The following SLC24A2 variants were observed in gnomAD, a reference collection of about 807,000 sequenced individuals.
The protein encoded by SLC24A2 is solute carrier family 24 member 2.
Under a neutral mutation model 62.0 loss-of-function variants are expected in SLC24A2, and 36 were observed. The observed-to-expected ratio is 0.58, with a 90% CI of 0.44 to 0.77. SLC24A2 has a LOEUF of 0.77. Among genes scored for constraint, SLC24A2 ranks in the 30% least tolerant of loss-of-function variants. The pLI is 0.00. For missense variants in SLC24A2, 846 were observed against 817.9 expected (o/e 1.03, Z -0.42); for synonymous variants, 358 against 294.0 (o/e 1.22, Z -2.23).
intron 2 of SLC24A2, among the ~76,000 whole-genome samples, chr9:19,770,032 C>T (rs1278027965): frequency 6.6e-6 from 1 of 150,956 alleles, no homozygotes; most frequent in Non-Finnish European, 1.5e-5. Flanking sequence ...TTTCCAGGCT[C>T]ATAAAGAAAT....
the SLC24A2 span, among the ~76,000 whole-genome samples, chr9:19,979,302 A>C: frequency 6.6e-6 from 1 of 152,140 alleles, no homozygotes; most frequent in Non-Finnish European, 1.5e-5. Context: ...CATTTCCACT[A>C]ATTTCCAGGT....
the SLC24A2 span, among the ~76,000 whole-genome samples, chr9:19,867,073 T>C: frequency 6.6e-6 from 1 of 152,186 alleles, no homozygotes; most frequent in Non-Finnish European, 1.5e-5. Context: ...ATAATTGGAT[T>C]GTTTGTAATA....
the SLC24A2 span, among the ~76,000 whole-genome samples, chr9:19,827,025 A>G: frequency 1.3e-5 from 2 of 152,106 alleles, no homozygotes; most frequent in Admixed American, 6.5e-5. Flanking sequence ...GTTCTTTGCC[A>G]GGTAGGACAG....
chr9:19,557,101 G>A (rs1478462692), intron 7 of SLC24A2, among the ~76,000 whole-genome samples: 1 of 152,164 alleles, frequency 6.6e-6, no homozygotes, highest in Non-Finnish European at 1.5e-5. Context: ...AAGTGACAGT[G>A]CTAGGCCAAC....
the SLC24A2 span, among the ~76,000 whole-genome samples, chr9:19,848,273 G>A: frequency 6.6e-6 from 1 of 152,166 alleles, no homozygotes; most frequent in East Asian, 1.9e-4. Flanking sequence ...CACTGATAGA[G>A]GAAGAGGTTT....
chr9:20,196,092 T>A, the SLC24A2 span, among the ~76,000 whole-genome samples: 1 of 152,194 alleles, frequency 6.6e-6, no homozygotes, highest in Non-Finnish European at 1.5e-5. Flanking sequence ...GACCAAACTC[T>A]ATACTTATGA....
chr9:19,654,558 T>C (rs2118188804), intron 2 of SLC24A2, among the ~76,000 whole-genome samples: 1 of 152,334 alleles, frequency 6.6e-6, no homozygotes, highest in Middle Eastern at 3.4e-3. Flanking sequence ...AATTTCATTC[T>C]AGGTAAAGGA....
At chr9:19,715,720 C>G (rs758747069) in intron 2 of SLC24A2, among the ~76,000 whole-genome samples, 6 of 152,188 alleles carry the variant, frequency 3.9e-5, no homozygotes, top group Non-Finnish European at 8.8e-5. Flanking sequence ...TAAATGCATT[C>G]TCTTGAAGAA....
the SLC24A2 span, among the ~76,000 whole-genome samples, chr9:20,287,375 T>G: frequency 6.6e-6 from 1 of 152,100 alleles, no homozygotes; most frequent in African/African-American, 2.4e-5. Flanking sequence ...AGCAGCCCAA[T>G]GGCCAGAGGT....
the SLC24A2 span, among the ~76,000 whole-genome samples, chr9:20,111,100 T>C: frequency 1.3e-5 from 2 of 152,208 alleles, no homozygotes; most frequent in African/African-American, 4.8e-5. Flanking sequence ...CTTTCCCTTT[T>C]CCATCTTGCT....
the SLC24A2 span, among the ~76,000 whole-genome samples, chr9:20,075,407 G>T: frequency 6.6e-6 from 1 of 152,298 alleles, no homozygotes; most frequent in South Asian, 2.1e-4. Context: ...GTTCAAATGT[G>T]AATCTGTGTC....
intron 4 of SLC24A2, among the ~76,000 whole-genome samples, chr9:19,607,098 A>G (rs1484305364): frequency 6.6e-6 from 1 of 152,240 alleles, no homozygotes; most frequent in Non-Finnish European, 1.5e-5. Flanking sequence ...TCTTTAGTGT[A>G]AATGCCTTTC....
the SLC24A2 span, among the ~76,000 whole-genome samples, chr9:20,253,211 C>T: frequency 6.6e-6 from 1 of 152,150 alleles, no homozygotes; most frequent in African/African-American, 2.4e-5. Flanking sequence ...GAGCACTGAC[C>T]TGGGAGAAGA....
At chr9:19,625,412 T>C (rs1269593073) in intron 2 of SLC24A2, among the ~76,000 whole-genome samples, 1 of 152,202 alleles carries the variant, frequency 6.6e-6, no homozygotes, top group African/African-American at 2.4e-5. Flanking sequence ...TGAGGATTGT[T>C]TAAAAGAATT....
At chr9:20,104,639 A>G in the SLC24A2 span, among the ~76,000 whole-genome samples, 1 of 152,170 alleles carries the variant, frequency 6.6e-6, no homozygotes, top group Admixed American at 6.5e-5. Context: ...CTTTACAGAC[A>G]AGCAAATGCT....
chr9:19,591,283 T>C (rs1205355725), intron 5 of SLC24A2, among the ~76,000 whole-genome samples: 2 of 152,218 alleles, frequency 1.3e-5, no homozygotes, highest in African/African-American at 4.8e-5. Flanking sequence ...AAATTTAACA[T>C]GAGTGCTCAA....
At chr9:19,935,807 A>G in the SLC24A2 span, among the ~76,000 whole-genome samples, 1 of 152,210 alleles carries the variant, frequency 6.6e-6, no homozygotes, top group South Asian at 2.1e-4. Context: ...TGAGGTGTTC[A>G]CTGAGATAGA....
chr9:19,990,969 A>G, the SLC24A2 span, among the ~76,000 whole-genome samples: 142,946 of 142,960 alleles, frequency 1, 71,466 homozygotes, highest in Middle Eastern at 1. Flanking sequence ...TATACTATAT[A>G]TGTATGTATA....
chr9:19,576,808 G>T, intron 6 of SLC24A2, 116 bp downstream of exon 6: 1 of 678,824 alleles, frequency 1.5e-6, no homozygotes, highest in Non-Finnish European at 2.5e-6. Context: ...GGGAAGGGCT[G>T]TGCTGCAGCG....
Sources: gnomAD v4.1 joint callset for allele counts (sites outside exome capture counted in the v4.1 genomes callset) on GRCh38, gnomAD v4.1.1 for gene constraint, MANE v1.5 for transcripts, NCBI Gene and HGNC (gene_info 2026-07-23, HGNC 2026-07-21) for gene names.